Variants in VGLL4 observed in about 807,000 individuals in gnomAD.
VGLL4 encodes vestigial like family member 4.
VGLL4 carries 7 observed loss-of-function variants against 21.0 expected under a neutral mutation model. That is an observed-to-expected ratio of 0.33 (90% CI 0.19 to 0.63). The LOEUF (loss-of-function observed/expected upper bound fraction) is 0.63, where lower values mean the gene tolerates loss of function less well. Among genes scored for constraint, VGLL4 ranks in the 20% least tolerant of loss-of-function variants. The pLI is 0.78. For synonymous variants in VGLL4, 222 were observed against 173.2 expected (o/e 1.28, Z -2.21); for missense variants, 394 against 425.7 (o/e 0.93, Z 0.66).
chr3:11,653,384 T>C lies in VGLL4; in HGVS notation c.64+49587A>G, dbSNP rs183730595. 6.6e-6 allele frequency among the ~76,000 whole-genome samples: 1 copy of C among 152,350 alleles called. No homozygotes were observed. The highest frequency in any genetic ancestry group is 6.5e-5 in the Admixed American group (1 of 15,300). ...AACACTTTATAGAAAGAGAATCGTA[T>C]GATGCTAGCTACTCTTGTGGCTGGA... is the stretch of plus-strand genomic sequence containing the variant. On this transcript the variant is annotated intron_variant, in intron 2 of 5. Transcript: ENST00000273038. The surrounding 1 kb of genome is among the most constrained non-coding windows in gnomAD (Gnocchi z 4.2).
At chr3:11,590,569 G>GT (rs1334131005) in intron 2 of VGLL4, among the ~76,000 whole-genome samples, 2 of 152,160 alleles carry the variant, frequency 1.3e-5, no homozygotes, top group Non-Finnish European at 1.5e-5. Context: ...GTCTGGCACA[G>GT]TTTCTAGCTA....
At chr3:11,578,916 A>G (rs2074142333) in intron 2 of VGLL4, among the ~76,000 whole-genome samples, 1 of 151,724 alleles carries the variant, frequency 6.6e-6, no homozygotes, top group Admixed American at 6.6e-5. Flanking sequence ...CGCCCGGCTA[A>G]TTTTTGTATT....
rs564297539 is a variant in VGLL4, at chr3:11,598,841, T to G, written c.272+2992A>C. On this transcript the variant is annotated intron_variant, in intron 2 of 4. Transcript: ENST00000430365. ...TTTCCCCAGAATTATTATGACTGCT[T>G]TAGTGATAAAATACATCACATTTTC... Among the ~76,000 whole-genome samples the G allele has an allele frequency of 5.8e-4, 89 of 152,320 alleles. 1 individual carries two copies. Among genetic ancestry groups the G allele is most frequent in the African/African-American group, 2.1e-3 (86 of 41,570 alleles).
chr3:11,682,754 A>T (rs1575527589), intron 2 of VGLL4, among the ~76,000 whole-genome samples: 2 of 152,100 alleles, frequency 1.3e-5, no homozygotes, highest in East Asian at 3.9e-4. Context: ...TCCATCTCTT[A>T]CATCCAAGCA....
rs1036684965 is a variant in VGLL4 at position 11,681,870 on chromosome 3, G to A, written c.64+21101C>T. Among the ~76,000 whole-genome samples, 66 of 152,154 alleles carry A rather than the reference G, an allele frequency of 4.3e-4. 1 individual carries two copies. The highest frequency in any genetic ancestry group is 4.3e-3 in the Admixed American group (66 of 15,278). On this transcript the variant is annotated intron_variant, in intron 2 of 5. Coordinates refer to the VGLL4 transcript ENST00000273038. ...TGCACAGGTCCTGAAACAGGGCGAC[G>A]GCCATAACAGTGCGAGGGAAACAGG...
At chr3:11,671,243 A>G in intron 2 of VGLL4, 1 of 1,559,226 alleles carries the variant, frequency 6.4e-7, no homozygotes, top group Non-Finnish European at 8.6e-7. Context: ...AAATGTGAAA[A>G]TCAAAAGAAC....
intron 2 of VGLL4, among the ~76,000 whole-genome samples, chr3:11,569,812 T>G (rs2073703965): frequency 6.6e-6 from 1 of 151,994 alleles, no homozygotes; most frequent in Non-Finnish European, 1.5e-5. Context: ...GCCCAGGAGG[T>G]GGAGGCTACA....
At chr3:11,630,475 G>A (rs1182552463) in intron 1 of VGLL4, among the ~76,000 whole-genome samples, 3 of 151,848 alleles carry the variant, frequency 2.0e-5, no homozygotes, top group Admixed American at 2.0e-4. Flanking sequence ...TGTGACCCTG[G>A]CTCTACTAAA....
chr3:11,720,902 G>A (rs931452774), upstream of VGLL4, among the ~76,000 whole-genome samples: 4 of 152,280 alleles, frequency 2.6e-5, no homozygotes, highest in South Asian at 8.3e-4. Context: ...GGGGGCCGGG[G>A]GATAGAGGCC....
At chr3:11,717,553 C>T (rs1252801625) in intron 1 of VGLL4, among the ~76,000 whole-genome samples, 2 of 134,364 alleles carry the variant, frequency 1.5e-5, no homozygotes. Context: ...GTTGTCCAGG[C>T]TGGTCTGGAA....
At chr3:11,592,702 G>A (rs2074530736) in intron 2 of VGLL4, among the ~76,000 whole-genome samples, 1 of 152,112 alleles carries the variant, frequency 6.6e-6, no homozygotes, top group African/African-American at 2.4e-5. Flanking sequence ...ACTGGCTCTA[G>A]GATCACACAG....
chr3:11,562,208 A>G (rs2073087826), intron 3 of VGLL4, among the ~76,000 whole-genome samples: 1 of 151,946 alleles, frequency 6.6e-6, no homozygotes, highest in Admixed American at 6.6e-5. Flanking sequence ...TCAATGTGCG[A>G]AGCTTAACCC....
At chr3:11,674,068 G>A (rs559279158) in intron 2 of VGLL4, among the ~76,000 whole-genome samples, 1 of 149,816 alleles carries the variant, frequency 6.7e-6, no homozygotes, top group South Asian at 2.1e-4. Flanking sequence ...TTTCCCATTG[G>A]TAACACAAAG....
chr3:11,675,219 G>A (rs2076272782), intron 2 of VGLL4, among the ~76,000 whole-genome samples: 1 of 152,104 alleles, frequency 6.6e-6, no homozygotes, highest in Non-Finnish European at 1.5e-5. Context: ...GCAGGCGCCT[G>A]TAATCCCAGC....
chr3:11,657,325 G>A (rs969399576), intron 2 of VGLL4, among the ~76,000 whole-genome samples: 3 of 152,074 alleles, frequency 2.0e-5, no homozygotes, highest in South Asian at 2.1e-4. Flanking sequence ...AATACACGAC[G>A]GTAACTGGTA....
At chr3:11,564,098 C>T (rs533816721) in intron 3 of VGLL4, among the ~76,000 whole-genome samples, 3 of 152,294 alleles carry the variant, frequency 2.0e-5, no homozygotes, top group South Asian at 2.1e-4. Context: ...GGTCGCAGTC[C>T]CTGGAGATTC....
At position 11,719,421 on chromosome 3, in the gene VGLL4, C is replaced by G. The variant is rs1438093544; in HGVS notation, c.-14+973G>C. 6.6e-6 allele frequency: 1 copy of G among 151,784 alleles called. No homozygotes were observed. The highest frequency in any genetic ancestry group is 6.6e-5 in the Admixed American group (1 of 15,226). 9.4% of individuals were successfully genotyped at this position (151,784 alleles called of 1,614,324 possible). On this transcript the variant is annotated intron_variant, in intron 1 of 5. Transcript: ENST00000273038. The surrounding 1 kb of genome is among the most constrained non-coding windows in gnomAD (Gnocchi z 4.0). Reference sequence around the variant, plus strand: ...GACCGGGTCAACCGCACTCACCGCCCGGCGGCTCTGGGCGCGCCCGCCTGG... The same window carrying G: ...GACCGGGTCAACCGCACTCACCGCCGGGCGGCTCTGGGCGCGCCCGCCTGG...
At chr3:11,657,365 G>A (rs1253893022) in intron 2 of VGLL4, among the ~76,000 whole-genome samples, 1 of 152,152 alleles carries the variant, frequency 6.6e-6, no homozygotes, top group African/African-American at 2.4e-5. Flanking sequence ...CTGGGTTTAT[G>A]CTGTTTTTCT....
intron 2 of VGLL4, among the ~76,000 whole-genome samples, chr3:11,682,190 G>T (rs1228754542): frequency 6.6e-6 from 1 of 152,074 alleles, no homozygotes; most frequent in Non-Finnish European, 1.5e-5. Context: ...GATCACTTGA[G>T]GTCAGGAGTT....
Sources: allele counts gnomAD v4.1 joint callset (sites outside exome capture counted in the v4.1 genomes callset), GRCh38; gene constraint gnomAD v4.1.1; non-coding constraint Gnocchi (gnomAD v3.1); transcripts MANE v1.5; gene names NCBI Gene and HGNC (gene_info 2026-07-23, HGNC 2026-07-21).